MEGF10: variants seen among roughly 807,000 people sequenced by gnomAD.
The protein encoded by MEGF10 is multiple epidermal growth factor-like domains protein 10.
Under a neutral mutation model 147.5 loss-of-function variants are expected in MEGF10, and 86 were observed. The ratio of observed to expected loss-of-function variants is 0.58; its 90% CI spans 0.49 to 0.70. The LOEUF (loss-of-function observed/expected upper bound fraction) is 0.70. Ranked by LOEUF, MEGF10 falls within the 30% of genes least tolerant of loss-of-function variation. The pLI is 0.00. For missense variants in MEGF10, 1,329 were observed against 1,487.3 expected, an observed-to-expected ratio of 0.89 and a Z score of 1.75; for synonymous variants, 478 against 525.5, an observed-to-expected ratio of 0.91 and a Z score of 1.24.
chr5:127,408,734 C>T (rs1326548340), intron 8 of MEGF10, among the ~76,000 whole-genome samples: 1 of 152,092 alleles, frequency 6.6e-6, no homozygotes, highest in East Asian at 1.9e-4. Flanking sequence ...AGATTCTTTT[C>T]CTTGTCTCCA....
chr5:127,264,454 G>A, the MEGF10 span, among the ~76,000 whole-genome samples: 1 of 152,150 alleles, frequency 6.6e-6, no homozygotes, highest in Non-Finnish European at 1.5e-5. Context: ...GAAGAAAAGT[G>A]AGGGATTTAT....
intron 7 of MEGF10, among the ~76,000 whole-genome samples, chr5:127,400,205 CCAGA>C (rs935439501): frequency 2.0e-5 from 3 of 152,004 alleles, no homozygotes; most frequent in Admixed American, 6.6e-5. Context: ...GGTGAGTAGC[CCAGA>C]CAAAGTTCAT....
intron 4 of MEGF10, among the ~76,000 whole-genome samples, chr5:127,364,158 A>C (rs1762574263): frequency 6.6e-6 from 1 of 152,188 alleles, no homozygotes; most frequent in South Asian, 2.1e-4. Context: ...CAACCATTTA[A>C]AGTGTACAAT....
intron 12 of MEGF10, among the ~76,000 whole-genome samples, chr5:127,421,938 G>A (rs1324452494): frequency 7.2e-6 from 1 of 139,550 alleles, no homozygotes; most frequent in Non-Finnish European, 1.5e-5. Context: ...GCAGTGAGCC[G>A]AGATAGCGCC....
In MEGF10 at chr5:127,458,894, C is replaced by T. The variant is rs1193346577; in HGVS notation, c.*1576C>T. 1 of 152,140 alleles carries T rather than the reference C, an allele frequency of 6.6e-6. No homozygotes were observed. Among genetic ancestry groups the T allele is most frequent in the African/African-American group, 2.4e-5 (1 of 41,438 alleles). The allele number at this position is 152,140 out of a possible 1,614,324, so 9.4% of individuals were successfully genotyped here. ...AATGGAGGGCATTATTAATAATTAT[C>T]TTGTAATGAACTTAAATCTGGACTG... On this transcript the variant is annotated 3_prime_UTR_variant, in exon 25 of 25. Coordinates refer to ENST00000503335, the MANE Select transcript of MEGF10 (RefSeq NM_001256545.2).
At chr5:127,296,420 C>T (rs1433397178) in intron 1 of MEGF10, among the ~76,000 whole-genome samples, 2 of 152,168 alleles carry the variant, frequency 1.3e-5, no homozygotes, top group Non-Finnish European at 2.9e-5. Context: ...ACTTAGAGGG[C>T]AATAAATTGT....
the MEGF10 span, among the ~76,000 whole-genome samples, chr5:127,278,690 G>A: frequency 6.6e-5 from 10 of 152,170 alleles, no homozygotes; most frequent in Admixed American, 2.0e-4. Context: ...CAAAGCACAC[G>A]ACCAGACATG....
In MEGF10 at chr5:127,418,564, C is replaced by T. The variant is rs191004867; in HGVS notation, c.1306-556C>T. Among the ~76,000 whole-genome samples, 204 of 152,216 alleles carry T rather than the reference C, an allele frequency of 1.3e-3. 1 individual carries two copies. The highest frequency in any genetic ancestry group is 9.7e-3 in the Admixed American group (148 of 15,284). On this transcript the variant is annotated intron_variant, in intron 10 of 24. Coordinates refer to ENST00000503335, the MANE Select transcript of MEGF10 (RefSeq NM_001256545.2). Reference sequence around the variant, plus strand: ...TTGAATTAGCTTTGTCTTAAGAGTCCCTTCTGTTTTGAAAGGAGATGACCT... The same window carrying T: ...TTGAATTAGCTTTGTCTTAAGAGTCTCTTCTGTTTTGAAAGGAGATGACCT...
chr5:127,334,956 T>A (rs1461726997), intron 2 of MEGF10, among the ~76,000 whole-genome samples: 2 of 152,150 alleles, frequency 1.3e-5, no homozygotes, highest in Non-Finnish European at 2.9e-5. Flanking sequence ...GATAATGTCT[T>A]CCTCCCCTTA....
chr5:127,268,523 C>A, the MEGF10 span, among the ~76,000 whole-genome samples: 4 of 152,152 alleles, frequency 2.6e-5, no homozygotes, highest in Non-Finnish European at 5.9e-5. Flanking sequence ...AACTGCAAGG[C>A]GGCAGCGAGG....
At chr5:127,334,496 T>C (rs563002034) in intron 2 of MEGF10, among the ~76,000 whole-genome samples, 17 of 152,300 alleles carry the variant, frequency 1.1e-4, no homozygotes, top group African/African-American at 3.4e-4. Flanking sequence ...TGCATCCCAA[T>C]TGATATCTGA....
At chr5:127,378,324 A>G (rs1409523932) in intron 5 of MEGF10, among the ~76,000 whole-genome samples, 4 of 152,248 alleles carry the variant, frequency 2.6e-5, no homozygotes, top group Admixed American at 6.5e-5. Flanking sequence ...AATGCTACTT[A>G]TGATTCCTTG....
chr5:127,389,469 G>A (rs2126902832), intron 5 of MEGF10, among the ~76,000 whole-genome samples: 1 of 152,236 alleles, frequency 6.6e-6, no homozygotes, highest in East Asian at 1.9e-4. Context: ...ATACATGCAG[G>A]TCAATGTTCA....
At chr5:127,297,915 G>A (rs1561554730) in intron 1 of MEGF10, among the ~76,000 whole-genome samples, 1 of 152,092 alleles carries the variant, frequency 6.6e-6, no homozygotes, top group African/African-American at 2.4e-5. Flanking sequence ...GATTCTTGGG[G>A]CTAGAGACGG....
intron 13 of MEGF10, among the ~76,000 whole-genome samples, chr5:127,429,006 T>C (rs17164951): frequency 0.092 from 14,034 of 152,246 alleles, 1,563 homozygotes; most frequent in African/African-American, 0.26. Context: ...AGCTCTTTGT[T>C]CTCAGTCGTG....
chr5:127,260,880 A>G, the MEGF10 span, among the ~76,000 whole-genome samples: 1 of 152,270 alleles, frequency 6.6e-6, no homozygotes, highest in South Asian at 2.1e-4. Flanking sequence ...GCAGGACACC[A>G]CAACTGCGCA....
At chr5:127,358,184 T>C (rs891378338) in intron 4 of MEGF10, among the ~76,000 whole-genome samples, 1 of 152,176 alleles carries the variant, frequency 6.6e-6, no homozygotes, top group Non-Finnish European at 1.5e-5. Flanking sequence ...TTATTAGTCA[T>C]TGACTCCATT....
the MEGF10 span, among the ~76,000 whole-genome samples, chr5:127,236,991 G>C: frequency 6.6e-6 from 1 of 152,210 alleles, no homozygotes. Flanking sequence ...GGAAATAAGA[G>C]AGAGTATGAA....
intron 24 of MEGF10, among the ~76,000 whole-genome samples, chr5:127,456,189 A>G (rs1410579223): frequency 6.6e-6 from 1 of 152,232 alleles, no homozygotes; most frequent in African/African-American, 2.4e-5. Flanking sequence ...TAAACAGGTG[A>G]TTCCATTTCC....
Sources: allele counts gnomAD v4.1 joint callset (sites outside exome capture counted in the v4.1 genomes callset), GRCh38; gene constraint gnomAD v4.1.1; transcripts MANE v1.5; gene names NCBI Gene and HGNC (gene_info 2026-07-23, HGNC 2026-07-21).